Variants in COL25A1 observed in about 807,000 individuals in gnomAD.
COL25A1 encodes collagen alpha-1(XXV) chain.
COL25A1 carries 103 observed loss-of-function variants against 128.4 expected under a neutral mutation model. That is an observed-to-expected ratio of 0.80 (90% CI 0.68 to 0.94). COL25A1 has a LOEUF of 0.94. COL25A1 is among the 40% of genes least tolerant of loss of function. The pLI is 0.00. For missense variants in COL25A1, 745 were observed against 840.0 expected (o/e 0.89, Z 1.40); for synonymous variants, 279 against 277.2 (o/e 1.01, Z -0.06).
chr4:109,264,079 C>T (rs1212138902), intron 3 of COL25A1, among the ~76,000 whole-genome samples: 3 of 152,066 alleles, frequency 2.0e-5, no homozygotes, highest in Non-Finnish European at 2.9e-5. Context: ...CTATGAAATT[C>T]GGATTTCTGT....
intron 18 of COL25A1, among the ~76,000 whole-genome samples, chr4:108,885,934 T>G (rs1478441748): frequency 6.6e-6 from 1 of 152,190 alleles, no homozygotes; most frequent in Non-Finnish European, 1.5e-5. Context: ...ATGATTACTT[T>G]AAAGAAAGAT....
At chr4:109,158,590 T>C (rs146951615) in intron 3 of COL25A1, among the ~76,000 whole-genome samples, 1 of 152,190 alleles carries the variant, frequency 6.6e-6, no homozygotes, top group Admixed American at 6.5e-5. Context: ...GACTAAGTCG[T>C]GGCCCTGCCC....
intron 3 of COL25A1, among the ~76,000 whole-genome samples, chr4:109,297,099 T>C (rs1386276813): frequency 6.6e-6 from 1 of 152,136 alleles, no homozygotes; most frequent in Non-Finnish European, 1.5e-5. Context: ...TCAATTTGTA[T>C]GGAAATTTTA....
intron 3 of COL25A1, among the ~76,000 whole-genome samples, chr4:109,195,403 C>A (rs1473400972): frequency 1.3e-5 from 2 of 152,152 alleles, no homozygotes; most frequent in Non-Finnish European, 2.9e-5. Flanking sequence ...CTGGATACAA[C>A]TTTATATCGA....
intron 3 of COL25A1, among the ~76,000 whole-genome samples, chr4:109,203,338 T>C (rs577737179): frequency 2.0e-5 from 3 of 152,228 alleles, no homozygotes; most frequent in South Asian, 2.1e-4. Flanking sequence ...AAATCAGATA[T>C]GTCAACCAAA....
Position 108,811,096 on chromosome 4 carries a change from A to C in COL25A1, c.*2831T>G, listed in dbSNP as rs1730757984. 2 of 152,088 alleles carry C rather than the reference A, an allele frequency of 1.3e-5. No individual in the cohort carries two copies. Among genetic ancestry groups the C allele is most frequent in the Admixed American group, 1.3e-4 (2 of 15,274 alleles). The allele number at this position is 152,088 out of a possible 1,614,324, so 9.4% of individuals were successfully genotyped here. ...ACACACATTAAAGAAATCTTTAAGG[A>C]AAGTATATTATCTATCAACACATAT... On this transcript the variant is annotated 3_prime_UTR_variant, in exon 38 of 38. Coordinates refer to ENST00000399132, the MANE Select transcript of COL25A1 (RefSeq NM_198721.4).
rs1298547663 is a variant in COL25A1, at chr4:108,812,390, T to C, written c.*1537A>G. 1 of 152,178 alleles carries C rather than the reference T, an allele frequency of 6.6e-6. No homozygotes were observed. Among genetic ancestry groups the C allele is most frequent in the African/African-American group, 2.4e-5 (1 of 41,458 alleles). The allele number at this position is 152,178 out of a possible 1,614,324, so 9.4% of individuals were successfully genotyped here. On this transcript the variant is annotated 3_prime_UTR_variant, in exon 38 of 38. Coordinates refer to ENST00000399132, the MANE Select transcript of COL25A1 (RefSeq NM_198721.4). ...AATGTGACAAAATCTTGGCTTTATA[T>C]TAACTGATAATCTCCATGTACGTTA...
At chr4:109,300,932 T>C (rs555023820) in intron 2 of COL25A1, among the ~76,000 whole-genome samples, 1 of 152,346 alleles carries the variant, frequency 6.6e-6, no homozygotes, top group Non-Finnish European at 1.5e-5. Context: ...ATGCAGTCAA[T>C]GTAAAAACCT....
intron 3 of COL25A1, among the ~76,000 whole-genome samples, chr4:109,234,298 TCCCCTTTTCTA>T (rs1779335949): frequency 6.6e-6 from 1 of 152,116 alleles, no homozygotes; most frequent in South Asian, 2.1e-4. Flanking sequence ...GACTGTGCCT[TCCCCTTTTCTA>T]ACATTATTCT....
intron 18 of COL25A1, among the ~76,000 whole-genome samples, 178 bp downstream of exon 18, chr4:108,889,043 C>T (rs1212781210): frequency 6.6e-6 from 1 of 152,182 alleles, no homozygotes; most frequent in Non-Finnish European, 1.5e-5. Flanking sequence ...TTTGTTTGCA[C>T]ATTGTGCTAT....
chr4:109,170,581 G>A (rs1455160575), intron 3 of COL25A1, among the ~76,000 whole-genome samples: 1 of 152,124 alleles, frequency 6.6e-6, no homozygotes, highest in African/African-American at 2.4e-5. Flanking sequence ...CAGAGTACAC[G>A]TGCCCATTGT....
chr4:109,119,622 C>A (rs1447880536), intron 3 of COL25A1, among the ~76,000 whole-genome samples: 3 of 151,950 alleles, frequency 2.0e-5, no homozygotes, highest in Non-Finnish European at 4.4e-5. Flanking sequence ...GATCTGAGTA[C>A]GCCTATTAAT....
At chr4:108,908,158 A>G (rs761491964) in intron 13 of COL25A1, among the ~76,000 whole-genome samples, 1 of 152,128 alleles carries the variant, frequency 6.6e-6, no homozygotes, top group African/African-American at 2.4e-5. Flanking sequence ...GCATCTATAC[A>G]TGTCTCTGCT....
At chr4:108,848,677 T>G in intron 27 of COL25A1, 82 bp downstream of exon 27, 11 of 937,358 alleles carry the variant, frequency 1.2e-5, no homozygotes, top group Middle Eastern at 2.2e-4. Context: ...TCAATGCTCA[T>G]GACATTTTGG....
At chr4:108,886,918 G>A (rs1426427624) in intron 18 of COL25A1, among the ~76,000 whole-genome samples, 1 of 152,004 alleles carries the variant, frequency 6.6e-6, no homozygotes, top group Non-Finnish European at 1.5e-5. Flanking sequence ...GAGTTTAACT[G>A]TGAGGGGCCC....
chr4:109,049,890 G>A (rs1760823562), intron 4 of COL25A1, among the ~76,000 whole-genome samples: 1 of 152,054 alleles, frequency 6.6e-6, no homozygotes, highest in African/African-American at 2.4e-5. Context: ...AGCCCCAAAT[G>A]GGTACCAATT....
intron 33 of COL25A1, among the ~76,000 whole-genome samples, chr4:108,826,894 C>T (rs1008683493): frequency 6.6e-6 from 1 of 152,114 alleles, no homozygotes; most frequent in African/African-American, 2.4e-5. Context: ...ATTCTAGAGA[C>T]AGTCTCTGAT....
chr4:108,920,163 G>A (rs1442816715), intron 12 of COL25A1, among the ~76,000 whole-genome samples: 1 of 152,210 alleles, frequency 6.6e-6, no homozygotes, highest in Non-Finnish European at 1.5e-5. Context: ...AAGGACACCA[G>A]TAGGCTACTT....
In COL25A1 at chr4:109,059,696, A is replaced by C. The variant is rs1579234353; in HGVS notation, c.368-9517T>G. 2.6e-5 allele frequency among the ~76,000 whole-genome samples: 4 copies of C among 152,214 alleles called. No homozygotes were observed. In the South Asian group the frequency reaches 8.3e-4, roughly 32 times the overall value. ...CACATATTTATGTTTAAGCTCAGTT[A>C]ATATGCTCTTATACCATGCACAGCA... On this transcript the variant is annotated intron_variant, in intron 3 of 37. Transcript: ENST00000399132.
Sources: allele counts gnomAD v4.1 joint callset (sites outside exome capture counted in the v4.1 genomes callset), GRCh38; gene constraint gnomAD v4.1.1; transcripts MANE v1.5; gene names NCBI Gene and HGNC (gene_info 2026-07-23, HGNC 2026-07-21).